RAPH1: variants seen among roughly 807,000 people sequenced by gnomAD.
RAPH1 encodes the protein Ras association (RalGDS/AF-6) and pleckstrin homology domains 1.
A neutral mutation model predicts 88.1 loss-of-function variants in RAPH1; 18 were observed. The ratio of observed to expected loss-of-function variants is 0.20; its 90% CI spans 0.14 to 0.30. The LOEUF is 0.30. Ranked by LOEUF, RAPH1 falls within the 10% of genes least tolerant of loss-of-function variation. The probability of loss-of-function intolerance (pLI) is 1.00; values close to 1 mark genes in which losing one functional copy is unlikely to be tolerated. For synonymous variants in RAPH1, 587 were observed against 559.0 expected, an observed-to-expected ratio of 1.05 and a Z score of -0.71; for missense variants, 1,448 against 1,543.2, an observed-to-expected ratio of 0.94 and a Z score of 1.03.
intron 13 of RAPH1, 165 bp from the exon 14 acceptor site, chr2:203,441,578 G>A (rs897366365): frequency 1.5e-6 from 2 of 1,361,312 alleles, no homozygotes; most frequent in Non-Finnish European, 1.9e-6. Context: ...ATGTCAGGAA[G>A]GCTAAAATCT....
chr2:203,444,864 T>C lies in RAPH1; in HGVS notation c.1776+4A>G. ...TTCAATGTAAATTAAAACGAAGCTGTTACCTTGCTGGACTCTTCCAACTGA... is the reference window on the plus strand; with the variant it reads ...TTCAATGTAAATTAAAACGAAGCTGCTACCTTGCTGGACTCTTCCAACTGA... On this transcript the variant is annotated splice_donor_region_variant and intron_variant, in intron 13 of 13. Coordinates refer to ENST00000319170, the MANE Select transcript of RAPH1 (RefSeq NM_213589.3). 1 of 1,611,812 alleles carries C rather than the reference T, an allele frequency of 6.2e-7. No individual in the cohort carries two copies. Among genetic ancestry groups the C allele is most frequent in the Non-Finnish European group, 8.5e-7 (1 of 1,179,402 alleles).
At chr2:203,517,359 C>CAAAAAAAAAAAAAAAAAAAAAAAAAACA (rs71408943) in intron 1 of RAPH1, among the ~76,000 whole-genome samples, 1 of 32,150 alleles carries the variant, frequency 3.1e-5, no homozygotes, top group Non-Finnish European at 6.0e-5. Context: ...CTATGAGAGG[C>CAAAAAAAAAAAAAAAAAAAAAAAAAACA]AAAAAAAAAA....
At chr2:203,487,103 T>C (rs995276692) in intron 4 of RAPH1, among the ~76,000 whole-genome samples, 7 of 152,220 alleles carry the variant, frequency 4.6e-5, no homozygotes, top group African/African-American at 1.4e-4. Context: ...ACTTTTATAA[T>C]GAGCACATTT....
At chr2:203,478,135 G>A (rs142105183) in intron 4 of RAPH1, among the ~76,000 whole-genome samples, 2,572 of 151,408 alleles carry the variant, frequency 0.017, 27 homozygotes, top group Non-Finnish European at 0.026. Flanking sequence ...CTGGGTTCAC[G>A]CCATTCTCCT....
chr2:203,531,821 T>A (rs1045141768), intron 1 of RAPH1, among the ~76,000 whole-genome samples: 1 of 152,216 alleles, frequency 6.6e-6, no homozygotes, highest in Non-Finnish European at 1.5e-5. Context: ...TGCTGTGGAA[T>A]GCAATATGGC....
intron 1 of RAPH1, among the ~76,000 whole-genome samples, chr2:203,522,593 T>C (rs1203589165): frequency 1.3e-5 from 2 of 152,088 alleles, no homozygotes; most frequent in Non-Finnish European, 2.9e-5. Context: ...GCAAATGACC[T>C]AGACTAGCCA....
chr2:203,499,407 G>A (rs1688645023), intron 1 of RAPH1, among the ~76,000 whole-genome samples: 1 of 151,596 alleles, frequency 6.6e-6, no homozygotes, highest in South Asian at 2.1e-4. Context: ...TCCCTATGTG[G>A]ATTAGTTTAA....
intron 3 of RAPH1, among the ~76,000 whole-genome samples, chr2:203,490,729 A>G (rs541016083): frequency 6.6e-6 from 1 of 152,334 alleles, no homozygotes; most frequent in East Asian, 1.9e-4. Flanking sequence ...AATTAGTAAT[A>G]TTAATAAAAT....
At position 203,437,250 on chromosome 2, in the gene RAPH1, CAAG is replaced by C. The variant is rs1418233732; in HGVS notation, c.*2184_*2186del. The C allele has an allele frequency of 2.0e-5, 3 of 152,086 alleles. No individual in the cohort carries two copies. Among genetic ancestry groups the C allele is most frequent in the Non-Finnish European group, 4.4e-5 (3 of 68,000 alleles). 9.4% of individuals were successfully genotyped at this position (152,086 alleles called of 1,614,324 possible). On this transcript the variant is annotated 3_prime_UTR_variant, in exon 14 of 14. Coordinates refer to ENST00000319170, the MANE Select transcript of RAPH1 (RefSeq NM_213589.3). ...GTTAGCGGGTACATTTTTTCCCCCT[CAAG>C]AAAAACTGAAGTGTTGTCTACCTTC...
chr2:203,439,397 C>A lies in RAPH1; in HGVS notation c.*40G>T. The A allele has an allele frequency of 6.3e-7, 1 of 1,577,896 alleles. No individual in the cohort carries two copies. Among genetic ancestry groups the A allele is most frequent in the Non-Finnish European group, 8.7e-7 (1 of 1,153,770 alleles). On this transcript the variant is annotated 3_prime_UTR_variant, in exon 14 of 14. Coordinates refer to ENST00000319170, the MANE Select transcript of RAPH1 (RefSeq NM_213589.3). ...AGATGATCAGGTGAGCTGATTGTAG[C>A]AGTGATTACAGATATCATGAAAATA...
At chr2:203,497,773 TAAG>T (rs887412383) in intron 1 of RAPH1, among the ~76,000 whole-genome samples, 12 of 152,318 alleles carry the variant, frequency 7.9e-5, no homozygotes, top group East Asian at 5.8e-4. Context: ...ATGTGATTCT[TAAG>T]AAGATTTGGT....
intron 4 of RAPH1, among the ~76,000 whole-genome samples, chr2:203,469,740 C>T (rs1559467676): frequency 6.6e-6 from 1 of 152,116 alleles, no homozygotes; most frequent in Non-Finnish European, 1.5e-5. Context: ...ATTCCAAGGG[C>T]AGAGAACCGG....
intron 1 of RAPH1, among the ~76,000 whole-genome samples, chr2:203,516,270 A>G (rs1204078565): frequency 6.6e-6 from 1 of 152,242 alleles, no homozygotes; most frequent in Non-Finnish European, 1.5e-5. Flanking sequence ...CAACTGATAC[A>G]CTAAGAAAGG....
intron 1 of RAPH1, among the ~76,000 whole-genome samples, chr2:203,501,098 G>A (rs1460725986): frequency 6.6e-6 from 1 of 151,928 alleles, no homozygotes; most frequent in Non-Finnish European, 1.5e-5. Context: ...AGTTACAACT[G>A]TTGCAAAATA....
intron 1 of RAPH1, among the ~76,000 whole-genome samples, chr2:203,496,972 T>C (rs553043827): frequency 1.2e-4 from 19 of 152,212 alleles, no homozygotes; most frequent in African/African-American, 1.9e-4. Context: ...ATATGCCTAA[T>C]CTTTACTAAC....
intron 10 of RAPH1, among the ~76,000 whole-genome samples, chr2:203,453,478 C>T (rs2078397532): frequency 1.5e-5 from 2 of 132,226 alleles, no homozygotes; most frequent in African/African-American, 2.9e-5. Flanking sequence ...CCTGAGAAGT[C>T]GAGGCTACAG....
At chr2:203,472,787 T>G (rs772591006) in intron 4 of RAPH1, among the ~76,000 whole-genome samples, 1 of 152,178 alleles carries the variant, frequency 6.6e-6, no homozygotes, top group Non-Finnish European at 1.5e-5. Flanking sequence ...TCAAATTTAA[T>G]TCTTAAAAAC....
Position 203,436,190 on chromosome 2 carries a change from G to C in RAPH1, c.*3247C>G, listed in dbSNP as rs2153631607. On this transcript the variant is annotated 3_prime_UTR_variant, in exon 14 of 14. Transcript: ENST00000319170. The stretch of plus-strand genomic sequence containing the variant: ...CAGCCCTTTGCAGGATATGCCTTTG[G>C]TGGGTGGGAGCACCTAGATTTTAGA... The C allele has an allele frequency of 6.6e-6, 1 of 152,298 alleles. No individual in the cohort carries two copies. Among genetic ancestry groups the C allele is most frequent in the South Asian group, 2.1e-4 (1 of 4,820 alleles). 9.4% of individuals were successfully genotyped at this position (152,298 alleles called of 1,614,324 possible). A position where few individuals can be genotyped will look rare whatever the true frequency, so the allele number is the denominator to read the frequency against.
intron 2 of RAPH1, among the ~76,000 whole-genome samples, chr2:203,491,943 GTAAGC>G (rs1454495878): frequency 6.6e-6 from 1 of 152,142 alleles, no homozygotes; most frequent in Non-Finnish European, 1.5e-5. Context: ...TATGGACATG[GTAAGC>G]TAAGAAATAG....
Sources: gnomAD v4.1 joint callset for allele counts (sites outside exome capture counted in the v4.1 genomes callset) on GRCh38, gnomAD v4.1.1 for gene constraint, MANE v1.5 for transcripts, NCBI Gene and HGNC (gene_info 2026-07-23, HGNC 2026-07-21) for gene names.